KHDRBS3: variants seen among roughly 807,000 people sequenced by gnomAD.
KHDRBS3 encodes KH domain-containing, RNA-binding, signal transduction-associated protein 3.
In KHDRBS3, 23 loss-of-function variants were observed where a neutral mutation model predicts 45.6. That is an observed-to-expected ratio of 0.50 (90% CI 0.36 to 0.72). The LOEUF (loss-of-function observed/expected upper bound fraction) is 0.72, where lower values mean the gene tolerates loss of function less well. Ranked by LOEUF, KHDRBS3 falls within the 30% of genes least tolerant of loss-of-function variation. The probability of loss-of-function intolerance (pLI) is 0.00; values close to 1 mark genes in which losing one functional copy is unlikely to be tolerated. For synonymous variants in KHDRBS3, 162 were observed against 156.5 expected, an observed-to-expected ratio of 1.04 and a Z score of -0.26; for missense variants, 352 against 424.8, an observed-to-expected ratio of 0.83 and a Z score of 1.51.
At position 135,508,159 on chromosome 8, in the gene KHDRBS3, A is replaced by G. The variant is rs573135935; in HGVS notation, c.89-13078A>G. ...TAAAAATGTATGGACATAGAATGAT[A>G]AATCCTATTTTGAATTTATTTTAAA... On this transcript the variant is annotated intron_variant, in intron 1 of 8. Coordinates refer to ENST00000355849, the MANE Select transcript of KHDRBS3 (RefSeq NM_006558.3). Among the ~76,000 whole-genome samples, 96 of 152,360 alleles carry G rather than the reference A, an allele frequency of 6.3e-4. 1 individual carries two copies. Among genetic ancestry groups the G allele is most frequent in the African/African-American group, 2.0e-3 (82 of 41,584 alleles).
chr8:135,619,989 G>A (rs1830071127), intron 7 of KHDRBS3, among the ~76,000 whole-genome samples: 1 of 151,912 alleles, frequency 6.6e-6, no homozygotes, highest in African/African-American at 2.4e-5. Flanking sequence ...GCTAGTGCTA[G>A]CAAGTTATTT....
chr8:135,536,202 A>G (rs1333207133), intron 2 of KHDRBS3, among the ~76,000 whole-genome samples: 6 of 140,858 alleles, frequency 4.3e-5, no homozygotes, highest in East Asian at 4.3e-4. Flanking sequence ...ATTTTTGCCC[A>G]TAGACTTCAG....
At chr8:135,608,745 T>G (rs1031230687) in intron 7 of KHDRBS3, among the ~76,000 whole-genome samples, 1 of 152,368 alleles carries the variant, frequency 6.6e-6, no homozygotes, top group Non-Finnish European at 1.5e-5. Flanking sequence ...TTTGTCATTG[T>G]GTGAACATCA....
chr8:135,600,429 G>A (rs1367589309), intron 6 of KHDRBS3, among the ~76,000 whole-genome samples: 1 of 152,176 alleles, frequency 6.6e-6, no homozygotes, highest in Non-Finnish European at 1.5e-5. Context: ...GCGGGGATGG[G>A]TGTGAGATAG....
chr8:135,635,889 C>A (rs1293022983), intron 7 of KHDRBS3, among the ~76,000 whole-genome samples: 1 of 152,146 alleles, frequency 6.6e-6, no homozygotes, highest in Non-Finnish European at 1.5e-5. Context: ...TATGCAATAT[C>A]AAAAAAGTCA....
rs1828446311 is a variant in KHDRBS3, at chr8:135,585,862, GATA to G, written c.807+3791_807+3793del. ...CTGAACCAACCCTATACAGAGACTTGATAACATTGTTCAGATGAAGATTACCAT... is the reference window on the plus strand; with the variant it reads ...CTGAACCAACCCTATACAGAGACTTGACATTGTTCAGATGAAGATTACCAT... On this transcript the variant is annotated intron_variant, in intron 6 of 8. Transcript: ENST00000355849. Among the ~76,000 whole-genome samples, 5 of 152,268 alleles carry G rather than the reference GATA, an allele frequency of 3.3e-5. 1 individual carries two copies. Among genetic ancestry groups the G allele is most frequent in the African/African-American group, 1.2e-4 (5 of 41,562 alleles).
intron 2 of KHDRBS3, among the ~76,000 whole-genome samples, chr8:135,526,800 T>C (rs996034466): frequency 9.2e-5 from 14 of 152,350 alleles, no homozygotes; most frequent in Admixed American, 9.2e-4. Flanking sequence ...AGGAATCATT[T>C]AGTGTTCAGA....
chr8:135,585,055 CT>C (rs535453515), intron 6 of KHDRBS3, among the ~76,000 whole-genome samples: 1,559 of 124,566 alleles, frequency 0.013, 13 homozygotes, highest in Middle Eastern at 0.04. Flanking sequence ...AACCTCATCT[CT>C]ACCAAAAAAA....
chr8:135,573,706 CTG>C (rs5895317), intron 5 of KHDRBS3, among the ~76,000 whole-genome samples: 14,999 of 151,978 alleles, frequency 0.099, 1,340 homozygotes, highest in African/African-American at 0.24. Context: ...TTCTGAGTGA[CTG>C]TTTTTTTGTT....
chr8:135,648,440 T>TA (rs1210826043), downstream of KHDRBS3: 2 of 152,218 alleles, frequency 1.3e-5, no homozygotes, highest in African/African-American at 4.8e-5. Flanking sequence ...CTTTAATCAT[T>TA]AAGCTTTTTT....
chr8:135,529,049 T>TA (rs1383095805), intron 2 of KHDRBS3, among the ~76,000 whole-genome samples: 9 of 152,190 alleles, frequency 5.9e-5, no homozygotes, highest in Non-Finnish European at 1.0e-4. Flanking sequence ...TACATTTAGT[T>TA]ACTATGAGTC....
chr8:135,565,622 G>A (rs977994409), intron 5 of KHDRBS3, among the ~76,000 whole-genome samples: 5 of 152,150 alleles, frequency 3.3e-5, no homozygotes, highest in South Asian at 2.1e-4. Flanking sequence ...TTGTGGTTCA[G>A]TTGTCACTAG....
At chr8:135,556,434 G>A (rs528148384) in intron 4 of KHDRBS3, among the ~76,000 whole-genome samples, 100 of 152,066 alleles carry the variant, frequency 6.6e-4, no homozygotes, top group Non-Finnish European at 1.2e-3. Flanking sequence ...ATTCTAACTG[G>A]TGTGAGATGG....
At chr8:135,481,250 A>ATATATATATATATT (rs1285436029) in intron 1 of KHDRBS3, among the ~76,000 whole-genome samples, 15 of 125,550 alleles carry the variant, frequency 1.2e-4, no homozygotes, top group Non-Finnish European at 1.9e-4. Context: ...ATATATATAT[A>ATATATATATATATT]TTTAATGTAA....
At chr8:135,562,324 A>G (rs1013879225) in intron 5 of KHDRBS3, among the ~76,000 whole-genome samples, 2 of 152,198 alleles carry the variant, frequency 1.3e-5, no homozygotes, top group African/African-American at 2.4e-5. Flanking sequence ...TCATTGTGTT[A>G]TAGTCACATA....
chr8:135,506,868 A>G (rs1347997991), intron 1 of KHDRBS3, among the ~76,000 whole-genome samples: 5 of 144,380 alleles, frequency 3.5e-5, no homozygotes, highest in Admixed American at 1.4e-4. Context: ...CTTTTTTTAC[A>G]TAATATACAA....
At chr8:135,519,739 G>A (rs1200926151) in intron 1 of KHDRBS3, among the ~76,000 whole-genome samples, 1 of 152,176 alleles carries the variant, frequency 6.6e-6, no homozygotes, top group Non-Finnish European at 1.5e-5. Context: ...CCCATTTAGT[G>A]TCCTTTAAAT....
chr8:135,617,458 A>G (rs1014304642), intron 7 of KHDRBS3, among the ~76,000 whole-genome samples: 2 of 151,748 alleles, frequency 1.3e-5, no homozygotes, highest in African/African-American at 4.8e-5. Flanking sequence ...TTGTGTTTAT[A>G]GTAGAGACAG....
At chr8:135,472,587 G>A (rs899080377) in intron 1 of KHDRBS3, among the ~76,000 whole-genome samples, 2 of 152,220 alleles carry the variant, frequency 1.3e-5, no homozygotes, top group Non-Finnish European at 2.9e-5. Context: ...TGGGACAAGA[G>A]GATTAGACAG....
Sources: allele counts gnomAD v4.1 joint callset (sites outside exome capture counted in the v4.1 genomes callset), GRCh38; gene constraint gnomAD v4.1.1; transcripts MANE v1.5; gene names NCBI Gene and HGNC (gene_info 2026-07-23, HGNC 2026-07-21).